TGFBR3: variants seen among roughly 807,000 people sequenced by gnomAD.
TGFBR3 encodes transforming growth factor beta receptor 3.
TGFBR3 carries 46 observed loss-of-function variants against 87.9 expected under a neutral mutation model. That is an observed-to-expected ratio of 0.52 (90% CI 0.41 to 0.67). The LOEUF is 0.67. Ranked by LOEUF, TGFBR3 falls within the 30% of genes least tolerant of loss-of-function variation. The pLI, the probability that TGFBR3 is intolerant of heterozygous loss-of-function variation, is 0.00. For synonymous variants in TGFBR3, 381 were observed against 391.6 expected, an observed-to-expected ratio of 0.97 and a Z score of 0.32; for missense variants, 866 against 1,041.9, an observed-to-expected ratio of 0.83 and a Z score of 2.32.
intron 1 of TGFBR3, among the ~76,000 whole-genome samples, chr1:91,872,783 A>G (rs1275430708): frequency 6.6e-6 from 1 of 152,208 alleles, no homozygotes; most frequent in Non-Finnish European, 1.5e-5. Context: ...CAGCAAGCCC[A>G]TGCCTGTTAG....
chr1:91,876,530 A>AG (rs1413913480), intron 1 of TGFBR3, among the ~76,000 whole-genome samples: 6 of 152,056 alleles, frequency 3.9e-5, no homozygotes, highest in African/African-American at 9.7e-5. Context: ...AATGCTAGGC[A>AG]GCAGGGACTA....
Position 91,873,282 on chromosome 1 carries a change from C to CTTTTT in TGFBR3, c.-113-11643_-113-11639dup, listed in dbSNP as rs34364302. Among the ~76,000 whole-genome samples, 18 of 100,924 alleles carry CTTTTT rather than the reference C, an allele frequency of 1.8e-4. 2 individuals carry two copies. The highest frequency in any genetic ancestry group is 2.9e-4 in the East Asian group (1 of 3,496). 66.2% of individuals were successfully genotyped at this position (100,924 alleles called of 152,430 possible). A position where few individuals can be genotyped will look rare whatever the true frequency, so the allele number is the denominator to read the frequency against. On this transcript the variant is annotated intron_variant, in intron 1 of 16. Transcript: ENST00000212355. ...CATCACACCTGGCCAATTTTCCCTT[C>CTTTTT]TTTTTTTTTTTTTTTTTTTTGAGAT...
intron 3 of TGFBR3, among the ~76,000 whole-genome samples, chr1:91,771,135 T>C (rs1289462331): frequency 2.0e-5 from 3 of 152,194 alleles, no homozygotes; most frequent in Non-Finnish European, 4.4e-5. Context: ...CTCCTCCTTT[T>C]ATCTCTAGGT....
chr1:91,768,488 T>G (rs1159458910), intron 3 of TGFBR3, among the ~76,000 whole-genome samples: 1 of 152,176 alleles, frequency 6.6e-6, no homozygotes, highest in African/African-American at 2.4e-5. Context: ...CCAAATCTCA[T>G]GTTGAACTGT....
At chr1:91,779,108 GA>G (rs1481066808) in intron 3 of TGFBR3, among the ~76,000 whole-genome samples, 1 of 152,168 alleles carries the variant, frequency 6.6e-6, no homozygotes, top group Admixed American at 6.5e-5. Flanking sequence ...CTCTGGTGGG[GA>G]TTGCGCATTT....
intron 2 of TGFBR3, among the ~76,000 whole-genome samples, chr1:91,844,576 C>T (rs1208405910): frequency 6.6e-6 from 1 of 152,228 alleles, no homozygotes; most frequent in Non-Finnish European, 1.5e-5. Context: ...GTAATCCTAA[C>T]TTCTCTTTCT....
At chr1:91,691,314 A>T (rs570628650) in intron 16 of TGFBR3, among the ~76,000 whole-genome samples, 7 of 152,200 alleles carry the variant, frequency 4.6e-5, no homozygotes, top group Non-Finnish European at 1.0e-4. Context: ...ATTAGTGACC[A>T]GCATAATGTA....
At chr1:91,879,520 A>C (rs1030083738) in intron 1 of TGFBR3, among the ~76,000 whole-genome samples, 1 of 152,140 alleles carries the variant, frequency 6.6e-6, no homozygotes, top group African/African-American at 2.4e-5. Flanking sequence ...TATGGTCTCT[A>C]TCCCTCATAA....
chr1:91,699,147 T>C (rs1451096879), intron 14 of TGFBR3, among the ~76,000 whole-genome samples: 2 of 152,220 alleles, frequency 1.3e-5, no homozygotes, highest in African/African-American at 4.8e-5. Context: ...CCTTTCCTGA[T>C]GGAGTCCTTC....
intron 2 of TGFBR3, among the ~76,000 whole-genome samples, chr1:91,825,051 G>A (rs960869810): frequency 1.3e-5 from 2 of 152,174 alleles, no homozygotes; most frequent in African/African-American, 2.4e-5. Context: ...ATGACCCAGC[G>A]ATTCTACTCT....
chr1:91,716,607 T>C lies in TGFBR3; in HGVS notation c.1668A>G (p.Glu556=). 6.2e-7 allele frequency: 1 copy of C among 1,614,122 alleles called. No homozygotes were observed. The highest frequency in any genetic ancestry group is 8.5e-7 in the Non-Finnish European group (1 of 1,180,032). ...GTCGGGTGAACAGGGAAGCATCTCC[T>C]TCATCCATATCTCCCGGAAATCCAT... ...GDNGFPGDMD[E]GDASLFTRPE... The change falls in exon 11 of 17, where the codon GAA becomes GAG. Residue 556 remains glutamate (E), a synonymous_variant. Transcript: ENST00000212355.
chr1:91,707,450 G>A (rs1671833834), intron 14 of TGFBR3, among the ~76,000 whole-genome samples: 1 of 152,168 alleles, frequency 6.6e-6, no homozygotes, highest in Admixed American at 6.5e-5. Context: ...CACTGTCCAG[G>A]GGTCACCCCT....
At chr1:91,704,766 A>G (rs533259670) in intron 14 of TGFBR3, among the ~76,000 whole-genome samples, 69 of 152,344 alleles carry the variant, frequency 4.5e-4, no homozygotes, top group South Asian at 1.2e-3. Flanking sequence ...GGACTTAGAG[A>G]TCAAAAGTGG....
At chr1:91,859,065 A>G (rs1194860036) in intron 2 of TGFBR3, among the ~76,000 whole-genome samples, 1 of 152,094 alleles carries the variant, frequency 6.6e-6, no homozygotes, top group Non-Finnish European at 1.5e-5. Flanking sequence ...TATCAAAAAA[A>G]AAAAAAAAAT....
At chr1:91,727,569 G>T in intron 7 of TGFBR3, 90 bp downstream of exon 7, 1 of 1,525,768 alleles carries the variant, frequency 6.6e-7, no homozygotes, top group Non-Finnish European at 9.1e-7. Context: ...GTCCAAAGAG[G>T]CAGGAACTTT....
chr1:91,875,662 C>T (rs954103572), intron 1 of TGFBR3, among the ~76,000 whole-genome samples: 1 of 151,670 alleles, frequency 6.6e-6, no homozygotes, highest in African/African-American at 2.4e-5. Context: ...CTGAGGCAGG[C>T]AGATCACCTG....
chr1:91,837,630 ATT>A (rs1282805366), intron 2 of TGFBR3, among the ~76,000 whole-genome samples: 1 of 152,234 alleles, frequency 6.6e-6, no homozygotes, highest in East Asian at 1.9e-4. Context: ...AATTTAAATG[ATT>A]TATGTAAATA....
intron 6 of TGFBR3, among the ~76,000 whole-genome samples, chr1:91,728,947 G>C (rs1222875907): frequency 6.6e-6 from 1 of 151,908 alleles, no homozygotes; most frequent in Non-Finnish European, 1.5e-5. Context: ...GGGGTAGGAA[G>C]CTGAGAGGGA....
chr1:91,826,163 G>C (rs544604908), intron 2 of TGFBR3, among the ~76,000 whole-genome samples: 1 of 152,020 alleles, frequency 6.6e-6, no homozygotes. Context: ...TCCCAGAGTC[G>C]AGAGAGAGTG....
Sources: allele counts gnomAD v4.1 joint callset (sites outside exome capture counted in the v4.1 genomes callset), GRCh38; gene constraint gnomAD v4.1.1; transcripts MANE v1.5; gene names NCBI Gene and HGNC (gene_info 2026-07-23, HGNC 2026-07-21).